PDLIM5: variants seen among roughly 807,000 people sequenced by gnomAD.
The protein encoded by PDLIM5 is PDZ and LIM domain 5.
Under a neutral mutation model 64.2 loss-of-function variants are expected in PDLIM5, and 34 were observed. The observed-to-expected ratio is 0.53, with a 90% CI of 0.40 to 0.71. The LOEUF is 0.71. Among genes scored for constraint, PDLIM5 ranks in the 30% least tolerant of loss-of-function variants. The pLI is 0.00. For synonymous variants in PDLIM5, 253 were observed against 269.1 expected (o/e 0.94, Z 0.59); for missense variants, 683 against 733.6 (o/e 0.93, Z 0.80).
At chr4:94,458,955 G>T (rs533758962) in intron 2 of PDLIM5, among the ~76,000 whole-genome samples, 2 of 152,098 alleles carry the variant, frequency 1.3e-5, no homozygotes, top group Admixed American at 6.6e-5. Context: ...TTTAATTTCC[G>T]ATCCTTAAAA....
At chr4:94,591,019 T>A (rs1372131559) in intron 7 of PDLIM5, among the ~76,000 whole-genome samples, 1 of 152,152 alleles carries the variant, frequency 6.6e-6, no homozygotes, top group Non-Finnish European at 1.5e-5. Flanking sequence ...GGCATAAATA[T>A]ATGTTGGTAA....
chr4:94,581,739 T>A (rs1735747823), intron 5 of PDLIM5, among the ~76,000 whole-genome samples: 1 of 152,172 alleles, frequency 6.6e-6, no homozygotes, highest in African/African-American at 2.4e-5. Flanking sequence ...AATGCTACAG[T>A]GTGTTCTTTG....
At chr4:94,625,838 T>A (rs1198636958) in intron 8 of PDLIM5, among the ~76,000 whole-genome samples, 1 of 152,204 alleles carries the variant, frequency 6.6e-6, no homozygotes, top group African/African-American at 2.4e-5. Context: ...ATTCCCTTTA[T>A]GTGAATTAGG....
At chr4:94,502,002 G>A (rs1368172097) in intron 2 of PDLIM5, among the ~76,000 whole-genome samples, 1 of 152,134 alleles carries the variant, frequency 6.6e-6, no homozygotes, top group Non-Finnish European at 1.5e-5. Context: ...GACTTTGGGG[G>A]CTCTGCCTTT....
At chr4:94,574,317 GT>G in intron 4 of PDLIM5, among the ~76,000 whole-genome samples, 1 of 152,174 alleles carries the variant, frequency 6.6e-6, no homozygotes, top group Middle Eastern at 3.4e-3. Flanking sequence ...GGCCAACATG[GT>G]GATACTTCAT....
At chr4:94,552,558 TGATTAC>T (rs1732901271) in intron 3 of PDLIM5, among the ~76,000 whole-genome samples, 1 of 152,136 alleles carries the variant, frequency 6.6e-6, no homozygotes, top group Non-Finnish European at 1.5e-5. Flanking sequence ...AATTAATTTC[TGATTAC>T]GCATATGATC....
chr4:94,593,641 T>G (rs1296509222), intron 7 of PDLIM5, among the ~76,000 whole-genome samples: 1 of 152,154 alleles, frequency 6.6e-6, no homozygotes, highest in Non-Finnish European at 1.5e-5. Context: ...CATTTAACCT[T>G]AATTACCTCT....
chr4:94,561,056 A>G (rs1445343959), intron 3 of PDLIM5, among the ~76,000 whole-genome samples: 1 of 151,938 alleles, frequency 6.6e-6, no homozygotes, highest in African/African-American at 2.4e-5. Context: ...AAATGTACCT[A>G]TGAGTTGCTT....
chr4:94,653,206 C>G (rs902361824), intron 9 of PDLIM5, among the ~76,000 whole-genome samples: 2 of 152,056 alleles, frequency 1.3e-5, no homozygotes, highest in African/African-American at 2.4e-5. Context: ...GGAAATTCAA[C>G]TTCTGGCCTT....
intron 2 of PDLIM5, among the ~76,000 whole-genome samples, chr4:94,482,348 G>A (rs1201916992): frequency 1.3e-5 from 2 of 151,906 alleles, no homozygotes; most frequent in Middle Eastern, 3.2e-3. Context: ...TTTTGGTTAA[G>A]TTTAAGACCT....
At chr4:94,651,055 A>G (rs72880448) in intron 9 of PDLIM5, among the ~76,000 whole-genome samples, 6,249 of 152,234 alleles carry the variant, frequency 0.041, 446 homozygotes, top group African/African-American at 0.14. Flanking sequence ...TGGAAACCCA[A>G]TCCTACCTGG....
intron 2 of PDLIM5, among the ~76,000 whole-genome samples, chr4:94,479,495 T>G (rs934809981): frequency 6.1e-5 from 9 of 147,746 alleles, no homozygotes; most frequent in Non-Finnish European, 1.3e-4. Context: ...GCCCGGCTGA[T>G]TTTTATTTTT....
At chr4:94,610,235 CTAGA>C in intron 7 of PDLIM5, 1 of 1,515,690 alleles carries the variant, frequency 6.6e-7, no homozygotes. Context: ...TCTTCTCCTG[CTAGA>C]TATAGTGCTG....
intron 5 of PDLIM5, among the ~76,000 whole-genome samples, chr4:94,580,603 AT>A (rs754878385): frequency 1.3e-5 from 2 of 151,628 alleles, no homozygotes; most frequent in African/African-American, 2.4e-5. Flanking sequence ...GTTAGATAGA[AT>A]TTTTTTTTAA....
At chr4:94,608,525 C>G (rs1321453759) in intron 7 of PDLIM5, among the ~76,000 whole-genome samples, 1 of 151,976 alleles carries the variant, frequency 6.6e-6, no homozygotes, top group Non-Finnish European at 1.5e-5. Flanking sequence ...TACCAGGTGC[C>G]CAGACATATT....
chr4:94,518,005 C>G (rs1182676634), intron 2 of PDLIM5, among the ~76,000 whole-genome samples: 1 of 152,064 alleles, frequency 6.6e-6, no homozygotes, highest in African/African-American at 2.4e-5. Context: ...CAAGGAAACG[C>G]AAATAGAGGT....
intron 7 of PDLIM5, among the ~76,000 whole-genome samples, chr4:94,596,251 A>C (rs1424715053): frequency 5.9e-5 from 9 of 152,140 alleles, no homozygotes; most frequent in Non-Finnish European, 1.2e-4. Flanking sequence ...ACCAAATTAA[A>C]CGTGTACTAT....
intron 7 of PDLIM5, among the ~76,000 whole-genome samples, chr4:94,602,607 C>G (rs541864863): frequency 3.3e-4 from 50 of 152,210 alleles, no homozygotes; most frequent in African/African-American, 1.2e-3. Context: ...CACCCACCAC[C>G]ACACCCAGCT....
chr4:94,637,577 C>T (rs1390287827), intron 8 of PDLIM5, among the ~76,000 whole-genome samples: 1 of 152,026 alleles, frequency 6.6e-6, no homozygotes, highest in Non-Finnish European at 1.5e-5. Flanking sequence ...AGGAATGGTG[C>T]TTTCAAATAG....
Sources: gnomAD v4.1 joint callset for allele counts (sites outside exome capture counted in the v4.1 genomes callset) on GRCh38, gnomAD v4.1.1 for gene constraint, MANE v1.5 for transcripts, NCBI Gene and HGNC (gene_info 2026-07-23, HGNC 2026-07-21) for gene names.